Variants in AP3B1 observed in about 807,000 individuals in gnomAD.
AP3B1 encodes adaptor related protein complex 3 subunit beta 1.
In AP3B1, 61 loss-of-function variants were observed where a neutral mutation model predicts 132.5. That is an observed-to-expected ratio of 0.46 (90% CI 0.37 to 0.57). The LOEUF (loss-of-function observed/expected upper bound fraction) is 0.57, where lower values mean the gene tolerates loss of function less well. Ranked by LOEUF, AP3B1 falls within the 20% of genes least tolerant of loss-of-function variation. The probability of loss-of-function intolerance (pLI) is 0.00; values close to 1 mark genes in which losing one functional copy is unlikely to be tolerated. For missense variants in AP3B1, 1,120 were observed against 1,289.4 expected, an observed-to-expected ratio of 0.87 and a Z score of 2.01; for synonymous variants, 388 against 438.3, an observed-to-expected ratio of 0.89 and a Z score of 1.43.
At chr5:78,262,164 T>C (rs576618913) in intron 2 of AP3B1, among the ~76,000 whole-genome samples, 2 of 152,338 alleles carry the variant, frequency 1.3e-5, no homozygotes, top group South Asian at 4.1e-4. Flanking sequence ...TATTTTCTTG[T>C]ATTCTATGGG....
At chr5:78,108,059 T>C (rs111320184) in intron 20 of AP3B1, among the ~76,000 whole-genome samples, 18 of 152,274 alleles carry the variant, frequency 1.2e-4, no homozygotes, top group African/African-American at 4.3e-4. Flanking sequence ...AGGACTACCA[T>C]AAAAATTAAC....
chr5:78,140,708 G>A (rs1406746328), intron 15 of AP3B1, among the ~76,000 whole-genome samples: 1 of 152,118 alleles, frequency 6.6e-6, no homozygotes, highest in Non-Finnish European at 1.5e-5. Flanking sequence ...TCAGACCATT[G>A]TACCTGCCAT....
intron 15 of AP3B1, among the ~76,000 whole-genome samples, chr5:78,139,491 C>A (rs1225070166): frequency 6.6e-6 from 1 of 152,098 alleles, no homozygotes; most frequent in African/African-American, 2.4e-5. Context: ...TTAACTGATT[C>A]CTTTTAAAGA....
Position 78,294,607 on chromosome 5 carries a change from G to C in AP3B1, c.-28C>G, listed in dbSNP as rs1749677043. The C allele has an allele frequency of 1.9e-6, 3 of 1,613,364 alleles. No homozygotes were observed. The South Asian group carries it at 3.3e-5, about 18-fold the overall frequency. ...CCGCGGTGCTGGCGGGTGCGGGGTTGGTCCTGCCGGGGGTTCTCTCCAAAA... is the reference window on the plus strand; with the variant it reads ...CCGCGGTGCTGGCGGGTGCGGGGTTCGTCCTGCCGGGGGTTCTCTCCAAAA... On this transcript the variant is annotated 5_prime_UTR_variant, in exon 1 of 27. Transcript: ENST00000255194.
chr5:78,028,896 T>C (rs1747451484), intron 24 of AP3B1, among the ~76,000 whole-genome samples: 1 of 152,180 alleles, frequency 6.6e-6, no homozygotes, highest in South Asian at 2.1e-4. Context: ...CTGTATGGTA[T>C]TATTTTGTAA....
chr5:78,276,280 C>T (rs1035283965), intron 1 of AP3B1, among the ~76,000 whole-genome samples: 1 of 151,948 alleles, frequency 6.6e-6, no homozygotes, highest in African/African-American at 2.4e-5. Flanking sequence ...GTTGTCCAGG[C>T]TGATCTTGAA....
intron 22 of AP3B1, among the ~76,000 whole-genome samples, chr5:78,077,084 GT>G (rs1749798837): frequency 6.6e-6 from 1 of 152,090 alleles, no homozygotes; most frequent in African/African-American, 2.4e-5. Flanking sequence ...TTAACCTTGA[GT>G]TTGGCTACCT....
At chr5:78,177,305 C>A (rs1189063849) in intron 9 of AP3B1, 34 bp downstream of exon 9, 2 of 1,452,132 alleles carry the variant, frequency 1.4e-6, no homozygotes, top group South Asian at 1.2e-5. Flanking sequence ...TGAAGGAATA[C>A]AAAAGAAAAA....
intron 9 of AP3B1, 23 bp from the exon 10 acceptor site, chr5:78,175,861 T>C (rs1417802841): frequency 6.4e-7 from 1 of 1,560,722 alleles, no homozygotes; most frequent in Non-Finnish European, 8.8e-7. Context: ...AGATAATTTT[T>C]ACTGGGTATA....
chr5:78,016,634 T>C (rs1746866164), intron 25 of AP3B1, among the ~76,000 whole-genome samples: 1 of 152,036 alleles, frequency 6.6e-6, no homozygotes, highest in Non-Finnish European at 1.5e-5. Flanking sequence ...AAATGAAAAC[T>C]AAAATTTAAA....
intron 20 of AP3B1, among the ~76,000 whole-genome samples, chr5:78,109,786 G>A (rs1432765302): frequency 2.6e-5 from 4 of 151,916 alleles, no homozygotes; most frequent in Non-Finnish European, 4.4e-5. Context: ...AAATGGCTAC[G>A]CAAATTCTTA....
At chr5:78,082,559 TACGCAA>T (rs1485391874) in intron 22 of AP3B1, among the ~76,000 whole-genome samples, 30 of 152,230 alleles carry the variant, frequency 2.0e-4, no homozygotes, top group Non-Finnish European at 3.4e-4. Context: ...AACGGAAGTT[TACGCAA>T]GTCAAAGAAC....
intron 22 of AP3B1, among the ~76,000 whole-genome samples, chr5:78,063,583 A>T (rs1749152829): frequency 6.6e-6 from 1 of 152,200 alleles, no homozygotes; most frequent in Non-Finnish European, 1.5e-5. Context: ...ATCCTATGAC[A>T]CATGGTAAAT....
intron 17 of AP3B1, among the ~76,000 whole-genome samples, chr5:78,117,166 C>A (rs1295134392): frequency 6.8e-6 from 1 of 147,178 alleles, no homozygotes; most frequent in Non-Finnish European, 1.5e-5. Context: ...CACCATTCCC[C>A]ACCACCTTTT....
chr5:78,112,710 T>G (rs1322431963), intron 19 of AP3B1, among the ~76,000 whole-genome samples: 5 of 152,250 alleles, frequency 3.3e-5, no homozygotes, highest in African/African-American at 1.2e-4. Flanking sequence ...TATATTCAAC[T>G]TCTAGCTTTT....
chr5:78,134,082 C>T (rs1752797472), intron 15 of AP3B1, among the ~76,000 whole-genome samples: 1 of 143,148 alleles, frequency 7.0e-6, no homozygotes, highest in African/African-American at 2.6e-5. Flanking sequence ...ACCTGGGAGG[C>T]GGAGCTTGCA....
intron 14 of AP3B1, among the ~76,000 whole-genome samples, chr5:78,151,671 T>C (rs889492992): frequency 1.2e-4 from 18 of 152,224 alleles, no homozygotes; most frequent in Admixed American, 7.9e-4. Flanking sequence ...GATTTATGAA[T>C]GTTGAACCAT....
chr5:78,198,393 G>A lies in AP3B1; in HGVS notation c.787-16731C>T, dbSNP rs140530856. Among the ~76,000 whole-genome samples the A allele has an allele frequency of 3.1e-3, 470 of 152,232 alleles. 2 individuals are homozygous for A. The highest frequency in any genetic ancestry group is 0.011 in the African/African-American group (448 of 41,546). ...GAGACATTTATTTCTCACAGTTCTC[G>A]GGGCTGAAAAGTCCAAGATCAAGGG... On this transcript the variant is annotated intron_variant, in intron 7 of 26. Coordinates refer to ENST00000255194, the MANE Select transcript of AP3B1 (RefSeq NM_003664.5).
At chr5:78,033,611 A>G (rs1747671447) in intron 24 of AP3B1, among the ~76,000 whole-genome samples, 1 of 152,062 alleles carries the variant, frequency 6.6e-6, no homozygotes, top group South Asian at 2.1e-4. Context: ...AAAAACAAAG[A>G]AACTTCAACT....
Sources: allele counts gnomAD v4.1 joint callset (sites outside exome capture counted in the v4.1 genomes callset), GRCh38; gene constraint gnomAD v4.1.1; transcripts MANE v1.5; gene names NCBI Gene and HGNC (gene_info 2026-07-23, HGNC 2026-07-21).